Variants in SEH1L observed in about 807,000 individuals in gnomAD.
SEH1L encodes SEH1 like nucleoporin.
A neutral mutation model predicts 49.5 loss-of-function variants in SEH1L; 18 were observed. The observed-to-expected ratio is 0.36, with a 90% CI of 0.25 to 0.54. SEH1L has a LOEUF of 0.54. Among genes scored for constraint, SEH1L ranks in the 20% least tolerant of loss-of-function variants. The pLI, the probability that SEH1L is intolerant of heterozygous loss-of-function variation, is 0.87. For synonymous variants in SEH1L, 169 were observed against 178.1 expected, an observed-to-expected ratio of 0.95 and a Z score of 0.41; for missense variants, 404 against 528.8, an observed-to-expected ratio of 0.76 and a Z score of 2.31.
At chr18:12,951,194 CTA>C (rs1212691545) in intron 1 of SEH1L, among the ~76,000 whole-genome samples, 3 of 152,160 alleles carry the variant, frequency 2.0e-5, no homozygotes, top group African/African-American at 7.2e-5. Context: ...AGGCGATACT[CTA>C]TTTTGGCTCA....
At chr18:12,949,255 A>G (rs1383046637) in intron 1 of SEH1L, among the ~76,000 whole-genome samples, 5 of 151,908 alleles carry the variant, frequency 3.3e-5, no homozygotes, top group Non-Finnish European at 5.9e-5. Flanking sequence ...TGGAGTGCGG[A>G]TTATTTGGTT....
At chr18:12,960,939 A>AT (rs1333518017) in intron 3 of SEH1L, among the ~76,000 whole-genome samples, 3 of 152,194 alleles carry the variant, frequency 2.0e-5, no homozygotes, top group Non-Finnish European at 4.4e-5. Context: ...TTGTTAAAAA[A>AT]TTTTACAGCA....
intron 3 of SEH1L, among the ~76,000 whole-genome samples, chr18:12,961,669 G>C (rs1229453113): frequency 6.6e-6 from 1 of 151,998 alleles, no homozygotes; most frequent in African/African-American, 2.4e-5. Context: ...AAACTTTATT[G>C]ACTTAGTTTT....
At chr18:12,974,666 G>A (rs1272359845) in intron 5 of SEH1L, 1 of 152,168 alleles carries the variant, frequency 6.6e-6, no homozygotes, top group African/African-American at 2.4e-5. Context: ...GTTTTTATTT[G>A]TGAGTGAAAA....
At chr18:12,956,315 T>A (rs1403775447) in intron 3 of SEH1L, among the ~76,000 whole-genome samples, 1 of 152,006 alleles carries the variant, frequency 6.6e-6, no homozygotes, top group Non-Finnish European at 1.5e-5. Flanking sequence ...GTGCTGGGAT[T>A]ACAGGCGTGA....
chr18:12,981,295 A>G (rs2032244635), intron 6 of SEH1L, among the ~76,000 whole-genome samples: 1 of 152,126 alleles, frequency 6.6e-6, no homozygotes, highest in South Asian at 2.1e-4. Flanking sequence ...CACTTCCCAG[A>G]CGGGGTGGCG....
intron 6 of SEH1L, among the ~76,000 whole-genome samples, chr18:12,981,855 T>TATTTA (rs1314296868): frequency 1.6e-5 from 2 of 124,834 alleles, no homozygotes; most frequent in African/African-American, 6.2e-5. Flanking sequence ...TGCCCATTTT[T>TATTTA]TTTTTTTTTT....
At chr18:12,961,302 C>A (rs929785228) in intron 3 of SEH1L, among the ~76,000 whole-genome samples, 1 of 152,214 alleles carries the variant, frequency 6.6e-6, no homozygotes, top group Non-Finnish European at 1.5e-5. Flanking sequence ...TATCAGGAAG[C>A]TGCTGATCAC....
At chr18:12,981,692 A>G (rs1051928501) in intron 6 of SEH1L, among the ~76,000 whole-genome samples, 4 of 152,174 alleles carry the variant, frequency 2.6e-5, no homozygotes, top group Non-Finnish European at 5.9e-5. Flanking sequence ...ATAACTGATA[A>G]TCTATAAATA....
At chr18:12,949,269 G>C (rs889073179) in intron 1 of SEH1L, among the ~76,000 whole-genome samples, 6 of 151,880 alleles carry the variant, frequency 4.0e-5, no homozygotes, top group African/African-American at 1.2e-4. Flanking sequence ...TTTGGTTCTC[G>C]ACAACTCCAG....
chr18:12,982,457 GTATA>G, intron 6 of SEH1L, 57 bp from the exon 7 acceptor site: 1 of 1,150,334 alleles, frequency 8.7e-7, no homozygotes, highest in Admixed American at 2.1e-5. Context: ...ATATGTGTGT[GTATA>G]TATATATGTT....
At chr18:12,962,645 T>C (rs1215038270) in intron 3 of SEH1L, among the ~76,000 whole-genome samples, 5 of 149,886 alleles carry the variant, frequency 3.3e-5, no homozygotes, top group Admixed American at 6.6e-5. Flanking sequence ...TTTTTTTTTT[T>C]AGTTTTTAGT....
intron 4 of SEH1L, among the ~76,000 whole-genome samples, chr18:12,965,246 T>G (rs192262089): frequency 6.6e-6 from 1 of 152,102 alleles, no homozygotes; most frequent in African/African-American, 2.4e-5. Context: ...TCTCCTGACC[T>G]TGTGATCCGC....
At chr18:12,980,559 G>T (rs2032180517) in intron 6 of SEH1L, among the ~76,000 whole-genome samples, 1 of 115,096 alleles carries the variant, frequency 8.7e-6, no homozygotes, top group African/African-American at 3.4e-5. Flanking sequence ...GGCTGGCCGG[G>T]CGGGGGGCTG....
At chr18:12,978,531 C>G (rs2032020714) in intron 5 of SEH1L, 1 of 435,904 alleles carries the variant, frequency 2.3e-6, no homozygotes. Flanking sequence ...TTCTGAGGTC[C>G]TTAATTACAT....
intron 6 of SEH1L, among the ~76,000 whole-genome samples, chr18:12,980,988 G>T (rs1331093825): frequency 4.0e-5 from 6 of 151,160 alleles, no homozygotes; most frequent in Non-Finnish European, 7.4e-5. Context: ...CCCAGACGGG[G>T]TGGCTGCCGG....
In SEH1L at chr18:12,983,966, G is replaced by A. The variant is rs574123155; in HGVS notation, c.920-74G>A. 3 of 1,146,964 alleles carry A rather than the reference G, an allele frequency of 2.6e-6. No homozygotes were observed. The East Asian group carries it at 7.2e-5, about 27-fold the overall frequency. The allele number at this position is 1,146,964 out of a possible 1,614,324, so 71.0% of individuals were successfully genotyped here. A position where few individuals can be genotyped will look rare whatever the true frequency, so the allele number is the denominator to read the frequency against. On this transcript the variant is annotated intron_variant, in intron 7 of 8. Transcript: ENST00000399892. ...TCTCGTTTCTTTAATTGTAGTTTAA[G>A]GACATGGGTACAGATTTGTGCCCTT...
rs1228736514 is a variant in SEH1L at position 12,948,022 on chromosome 18, T to C, written c.-100T>C. 3 of 805,620 alleles carry C rather than the reference T, an allele frequency of 3.7e-6. No individual in the cohort carries two copies. The highest frequency in any genetic ancestry group is 5.9e-6 in the Non-Finnish European group (3 of 506,632). 49.9% of individuals were successfully genotyped at this position (805,620 alleles called of 1,614,324 possible). A position where few individuals can be genotyped will look rare whatever the true frequency, so the allele number is the denominator to read the frequency against. ...GCGGGGGCGTGGGCAGCACAAGCCG[T>C]GCGCTCCCGGGCTGCGAGGTCTGGC... is the stretch of plus-strand genomic sequence containing the variant. On this transcript the variant is annotated 5_prime_UTR_variant, in exon 1 of 9. Coordinates refer to ENST00000399892, the MANE Select transcript of SEH1L (RefSeq NM_001013437.2).
intron 5 of SEH1L, chr18:12,971,493 G>C: frequency 4.0e-6 from 1 of 250,592 alleles, no homozygotes; most frequent in South Asian, 5.2e-5. Flanking sequence ...AATTAGCTGG[G>C]TGTGGTGGCA....
Sources: gnomAD v4.1 joint callset for allele counts (sites outside exome capture counted in the v4.1 genomes callset) on GRCh38, gnomAD v4.1.1 for gene constraint, MANE v1.5 for transcripts, NCBI Gene and HGNC (gene_info 2026-07-23, HGNC 2026-07-21) for gene names.